The following SLC26A5 variants were observed in gnomAD, a reference collection of about 807,000 sequenced individuals.
SLC26A5 encodes solute carrier family 26 member 5, also known as prestin.
In SLC26A5, 51 loss-of-function variants were observed where a neutral mutation model predicts 81.0. The observed-to-expected ratio is 0.63, with a 90% CI of 0.50 to 0.80. The LOEUF is 0.80. Ranked by LOEUF, SLC26A5 falls within the 30% of genes least tolerant of loss-of-function variation. The pLI is 0.00. For missense variants in SLC26A5, 771 were observed against 905.8 expected (o/e 0.85, Z 1.91); for synonymous variants, 325 against 332.8 (o/e 0.98, Z 0.25).
Position 103,367,747 on chromosome 7 carries a change from C to A in SLC26A5, c.2041+9061G>T. ...CACATATTTAAGATTCACGCTCGTT[C>A]AATGAGTGTTGAAAGAGATATCAGA... On this transcript the variant is annotated intron_variant, in intron 19 of 19. Coordinates refer to the SLC26A5 transcript ENST00000339444. This position sits in a 1 kb window ranked among gnomAD's most constrained non-coding sequence, Gnocchi z 6.1. 1.2e-6 allele frequency: 2 copies of A among 1,613,918 alleles called. No homozygotes were observed. The highest frequency in any genetic ancestry group is 2.2e-5 in the South Asian group (2 of 91,010).
chr7:103,397,522 C>T (rs1443743840), intron 9 of SLC26A5, among the ~76,000 whole-genome samples: 1 of 107,710 alleles, frequency 9.3e-6, no homozygotes, highest in Non-Finnish European at 1.7e-5. Context: ...GCCTGGGGGA[C>T]AGAGCAAGAC....
Position 103,366,230 on chromosome 7 carries a change from G to A in SLC26A5, c.2041+10578C>T, listed in dbSNP as rs117199108. The A allele has an allele frequency of 7.4e-4, 1,012 of 1,360,644 alleles. 21 individuals are homozygous for A. In the East Asian group the frequency reaches 0.022, roughly 30 times the overall value. The allele number at this position is 1,360,644 out of a possible 1,614,324, so 84.3% of individuals were successfully genotyped here. ...CATGAAAGCTGTAAAGTGATATGTCGTGATATGTTAATCTTGTACAGAATT... is the reference window on the plus strand; with the variant it reads ...CATGAAAGCTGTAAAGTGATATGTCATGATATGTTAATCTTGTACAGAATT... On this transcript the variant is annotated intron_variant, in intron 19 of 19. Transcript: ENST00000339444.
intron 19 of SLC26A5, among the ~76,000 whole-genome samples, chr7:103,376,499 G>T (rs915899542): frequency 9.2e-5 from 14 of 152,292 alleles, no homozygotes; most frequent in African/African-American, 3.4e-4. Flanking sequence ...GCAGCCATTA[G>T]ATAATTGCTA....
Position 103,420,847 on chromosome 7 carries a change from A to G in SLC26A5, c.183T>C (p.Ile61=). The change falls in exon 4 of 20, where the codon ATT becomes ATC. Residue 61 remains isoleucine (I), a synonymous_variant. Transcript: ENST00000306312. The part of the protein sequence containing the change: ...TCTPKKIRNI[I]YMFLPITKWL... ...ATTTAGTTATGGGTAGGAACATATA[A>G]ATGATATTTCTTATTTTTTTAGGAG... is the stretch of plus-strand genomic sequence containing the variant. 6.2e-7 allele frequency: 1 copy of G among 1,612,796 alleles called. No homozygotes were observed. Among genetic ancestry groups the G allele is most frequent in the Non-Finnish European group, 8.5e-7 (1 of 1,178,808 alleles).
intron 19 of SLC26A5, chr7:103,368,329 C>T (rs1025682299): frequency 6.9e-5 from 18 of 259,368 alleles, no homozygotes; most frequent in African/African-American, 3.1e-4. Context: ...ATATGCTGGC[C>T]GGGTGCTCTA....
chr7:103,359,128 C>T (rs1820214402), intron 19 of SLC26A5, among the ~76,000 whole-genome samples: 1 of 124,264 alleles, frequency 8.0e-6, no homozygotes, highest in Non-Finnish European at 1.7e-5. Context: ...GCATACCACC[C>T]CATGTCTGGC....
At chr7:103,398,676 T>G (rs967598920) in intron 8 of SLC26A5, among the ~76,000 whole-genome samples, 3 of 152,128 alleles carry the variant, frequency 2.0e-5, no homozygotes, top group Non-Finnish European at 4.4e-5. Flanking sequence ...AAAGGTGAGA[T>G]AGCAATTTGC....
At position 103,408,019 on chromosome 7, in the gene SLC26A5, T is replaced by C. The variant is rs747975140; in HGVS notation, c.736-16A>G. On this transcript the variant is annotated splice_polypyrimidine_tract_variant and intron_variant, in intron 7 of 19. Coordinates refer to ENST00000306312, the MANE Select transcript of SLC26A5 (RefSeq NM_198999.3). ...CAACTGTACTCTGTAACACAGTGAA[T>C]GCTGGATGTTTACATCAAGAAATCG... The C allele has an allele frequency of 1.7e-5, 28 of 1,613,998 alleles. No homozygotes were observed. The highest frequency in any genetic ancestry group is 2.2e-5 in the Non-Finnish European group (26 of 1,179,954).
At chr7:103,427,198 C>T (rs916107467) in intron 2 of SLC26A5, among the ~76,000 whole-genome samples, 2 of 151,868 alleles carry the variant, frequency 1.3e-5, no homozygotes, top group Non-Finnish European at 2.9e-5. Context: ...CTCAGCCTCC[C>T]GAGTAGCTGG....
chr7:103,439,518 GTC>G (rs1826710178), intron 2 of SLC26A5, among the ~76,000 whole-genome samples: 1 of 150,972 alleles, frequency 6.6e-6, no homozygotes, highest in African/African-American at 2.5e-5. Flanking sequence ...CTTCCTTGCT[GTC>G]TGTTGTTGTT....
chr7:103,371,380 A>G (rs929569666), downstream of SLC26A5, among the ~76,000 whole-genome samples: 7 of 149,152 alleles, frequency 4.7e-5, no homozygotes, highest in South Asian at 2.1e-4. Context: ...GCTGGAGTGC[A>G]GTGGCGCGAT....
intron 11 of SLC26A5, among the ~76,000 whole-genome samples, chr7:103,390,969 G>A (rs777043138): frequency 2.6e-5 from 4 of 151,356 alleles, no homozygotes; most frequent in African/African-American, 4.9e-5. Context: ...GGGTTCAAGC[G>A]ATTCTCCCGC....
At chr7:103,426,669 ATGT>A (rs1046948749) in intron 2 of SLC26A5, among the ~76,000 whole-genome samples, 16 of 152,154 alleles carry the variant, frequency 1.1e-4, no homozygotes, top group Admixed American at 2.6e-4. Context: ...AAAGGAGAAG[ATGT>A]TGTAATGAAA....
chr7:103,412,788 C>T (rs564963901), intron 5 of SLC26A5, among the ~76,000 whole-genome samples: 11 of 152,096 alleles, frequency 7.2e-5, no homozygotes, highest in South Asian at 2.1e-4. Context: ...TGACCTCAGA[C>T]GATCTGCCCG....
chr7:103,375,160 TTA>T (rs946841897), intron 19 of SLC26A5, among the ~76,000 whole-genome samples: 11 of 147,972 alleles, frequency 7.4e-5, no homozygotes, highest in Non-Finnish European at 1.3e-4. Context: ...TAGATTAATG[TTA>T]TATATATATA....
At chr7:103,373,613 G>T (rs569324586), downstream of SLC26A5, among the ~76,000 whole-genome samples, 3 of 152,260 alleles carry the variant, frequency 2.0e-5, no homozygotes, top group African/African-American at 7.2e-5. Flanking sequence ...TGCAATGTAA[G>T]GTCATAGAAT....
chr7:103,361,231 C>T (rs921150625), intron 19 of SLC26A5, among the ~76,000 whole-genome samples: 2 of 151,790 alleles, frequency 1.3e-5, no homozygotes, highest in African/African-American at 4.8e-5. Context: ...CGCCTGTAAT[C>T]CCAGCACTTT....
At chr7:103,357,326 CA>C (rs762310758) in intron 19 of SLC26A5, among the ~76,000 whole-genome samples, 9,873 of 77,770 alleles carry the variant, frequency 0.13, 281 homozygotes, top group South Asian at 0.2. Context: ...TACTCTGTCT[CA>C]AAAAAAAAAA....
intron 1 of SLC26A5, 187 bp downstream of exon 1, chr7:103,445,911 A>T (rs1027708748): frequency 6.6e-6 from 1 of 151,658 alleles, no homozygotes; most frequent in Non-Finnish European, 1.5e-5. Flanking sequence ...CGTAGGGACC[A>T]GCAGAGTGCG....
Sources: gnomAD v4.1 joint callset for allele counts (sites outside exome capture counted in the v4.1 genomes callset) on GRCh38, gnomAD v4.1.1 for gene constraint, Gnocchi (gnomAD v3.1) non-coding constraint, MANE v1.5 for transcripts, NCBI Gene and HGNC (gene_info 2026-07-23, HGNC 2026-07-21) for gene names.